Variants in FRAS1 observed in about 807,000 individuals in gnomAD.
The protein encoded by FRAS1 is Fraser extracellular matrix complex subunit 1.
A neutral mutation model predicts 435.2 loss-of-function variants in FRAS1; 290 were observed. The ratio of observed to expected loss-of-function variants is 0.67; its 90% confidence interval spans 0.61 to 0.73. FRAS1 has a LOEUF of 0.73. Among genes scored for constraint, FRAS1 ranks in the 30% least tolerant of loss-of-function variants. The probability of loss-of-function intolerance (pLI) is 0.00; values close to 1 mark genes in which losing one functional copy is unlikely to be tolerated. For missense variants in FRAS1, 4,860 were observed against 5,001.5 expected (o/e 0.97, Z 0.85); for synonymous variants, 1,800 against 1,851.0 (o/e 0.97, Z 0.71).
At chr4:78,491,902 C>A (rs968212705) in intron 59 of FRAS1, among the ~76,000 whole-genome samples, 12 of 152,132 alleles carry the variant, frequency 7.9e-5, no homozygotes, top group Non-Finnish European at 1.8e-4. Flanking sequence ...ATTTAGAAAA[C>A]CCCATTGTCT....
intron 3 of FRAS1, among the ~76,000 whole-genome samples, chr4:78,242,150 A>C (rs1009709494): frequency 6.6e-6 from 1 of 152,196 alleles, no homozygotes; most frequent in Non-Finnish European, 1.5e-5. Context: ...ATAGAATGGA[A>C]GAACTAGAAG....
chr4:78,419,049 T>C lies in FRAS1; in HGVS notation c.4526T>C (p.Leu1509Pro). 1.9e-6 allele frequency: 3 copies of C among 1,560,418 alleles called. No individual in the cohort carries two copies. The highest frequency in any genetic ancestry group is 2.4e-5 in the South Asian group (2 of 81,944). The change falls in exon 33 of 74, where the codon CTG becomes CCG. Residue 1509 changes from leucine to proline, a missense_variant. Coordinates refer to ENST00000512123, the MANE Select transcript of FRAS1 (RefSeq NM_025074.7). ...GKIVYNITLP[L>P]HPNQGIIEHR... is the part of the protein sequence containing the mutation. ...ATTGTCTACAACATCACTCTACCTC[T>C]GCATCCAAATCAAGGTAAGATGTGC...
intron 2 of FRAS1, among the ~76,000 whole-genome samples, chr4:78,129,709 C>G (rs1719587501): frequency 6.6e-6 from 1 of 152,098 alleles, no homozygotes; most frequent in African/African-American, 2.4e-5. Context: ...TATTTTCAAC[C>G]AATATGATCC....
At chr4:78,462,581 A>C (rs1352379203) in intron 47 of FRAS1, among the ~76,000 whole-genome samples, 1 of 152,200 alleles carries the variant, frequency 6.6e-6, no homozygotes, top group African/African-American at 2.4e-5. Context: ...GTGAGAATCC[A>C]GATGAGATTT....
intron 9 of FRAS1, among the ~76,000 whole-genome samples, chr4:78,273,096 A>C (rs983691473): frequency 6.6e-6 from 1 of 152,182 alleles, no homozygotes. Context: ...GAGTTCATGC[A>C]TGATTTGGCT....
chr4:78,447,258 C>T (rs1718868129), intron 43 of FRAS1, among the ~76,000 whole-genome samples: 1 of 130,960 alleles, frequency 7.6e-6, no homozygotes, highest in Non-Finnish European at 1.6e-5. Context: ...TAGAGGCATA[C>T]TAGATGTCTT....
intron 14 of FRAS1, among the ~76,000 whole-genome samples, chr4:78,296,792 C>T (rs1728166058): frequency 6.6e-6 from 1 of 152,118 alleles, no homozygotes; most frequent in African/African-American, 2.4e-5. Context: ...TAATTTGCTC[C>T]CTTTAAAATT....
intron 58 of FRAS1, among the ~76,000 whole-genome samples, chr4:78,485,138 C>T (rs1720129185): frequency 2.0e-5 from 3 of 152,208 alleles, no homozygotes; most frequent in African/African-American, 7.2e-5. Context: ...GGTTACTAAG[C>T]CTCATTTTGC....
chr4:78,436,068 C>T lies in FRAS1; in HGVS notation c.5218-2502C>T, dbSNP rs116382175. Reference sequence around the variant, plus strand: ...AATTAAATTTGTGCTCATCAAAACACACCACAAAGCAGCAAACAGGCCAGT... The same window carrying T: ...AATTAAATTTGTGCTCATCAAAACATACCACAAAGCAGCAAACAGGCCAGT... On this transcript the variant is annotated intron_variant, in intron 38 of 73. Coordinates refer to ENST00000512123, the MANE Select transcript of FRAS1 (RefSeq NM_025074.7). Among the ~76,000 whole-genome samples, 538 of 152,222 alleles carry T rather than the reference C, an allele frequency of 3.5e-3. 4 individuals carry two copies. Among genetic ancestry groups the T allele is most frequent in the African/African-American group, 0.012 (503 of 41,534 alleles).
intron 9 of FRAS1, among the ~76,000 whole-genome samples, chr4:78,274,621 A>T (rs142568746): frequency 0.012 from 1,873 of 152,224 alleles, 20 homozygotes; most frequent in South Asian, 0.04. Context: ...GTAGTTGAGC[A>T]GTTTGGAGTG....
chr4:78,488,805 A>G, intron 58 of FRAS1, 70 bp from the exon 59 acceptor site: 1 of 1,440,310 alleles, frequency 6.9e-7, no homozygotes, highest in Non-Finnish European at 9.5e-7. Context: ...CTGAAGGCTG[A>G]CAAGGACCAT....
At chr4:78,490,227 G>A (rs1482037512) in intron 59 of FRAS1, among the ~76,000 whole-genome samples, 2 of 151,996 alleles carry the variant, frequency 1.3e-5, no homozygotes, top group African/African-American at 4.8e-5. Flanking sequence ...ACACCCCACT[G>A]TCAATATTAG....
chr4:78,337,017 G>GT (rs1230856997), intron 19 of FRAS1, among the ~76,000 whole-genome samples: 2 of 151,784 alleles, frequency 1.3e-5, no homozygotes, highest in Admixed American at 6.6e-5. Flanking sequence ...TAATTTGGTG[G>GT]TTTTTTTGGA....
intron 2 of FRAS1, among the ~76,000 whole-genome samples, chr4:78,191,697 C>G (rs948820728): frequency 3.3e-5 from 5 of 152,002 alleles, no homozygotes; most frequent in African/African-American, 9.7e-5. Context: ...CCCGCTCCCC[C>G]CACCCCACAA....
intron 2 of FRAS1, among the ~76,000 whole-genome samples, chr4:78,116,974 G>T (rs973860205): frequency 6.6e-6 from 1 of 152,188 alleles, no homozygotes; most frequent in Non-Finnish European, 1.5e-5. Context: ...CTTACCAGTT[G>T]TTCCTTTCCA....
At chr4:78,296,363 A>C (rs1728145753) in intron 14 of FRAS1, among the ~76,000 whole-genome samples, 1 of 152,108 alleles carries the variant, frequency 6.6e-6, no homozygotes, top group East Asian at 1.9e-4. Flanking sequence ...AAAGGGAGGC[A>C]GTAGCAGGCA....
At chr4:78,384,895 G>A (rs914528753) in intron 28 of FRAS1, among the ~76,000 whole-genome samples, 6 of 132,360 alleles carry the variant, frequency 4.5e-5, no homozygotes, top group African/African-American at 1.9e-4. Context: ...GCAACACAGT[G>A]AGACCCTGTC....
chr4:78,132,890 T>G (rs1229183709), intron 2 of FRAS1, among the ~76,000 whole-genome samples: 1 of 152,124 alleles, frequency 6.6e-6, no homozygotes, highest in African/African-American at 2.4e-5. Flanking sequence ...CGTGTTTACA[T>G]GTTTAGAGGA....
intron 29 of FRAS1, among the ~76,000 whole-genome samples, chr4:78,392,037 A>T (rs368220259): frequency 1.1e-3 from 161 of 152,296 alleles, no homozygotes; most frequent in African/African-American, 3.5e-3. Context: ...TAAGGTGCAT[A>T]ATCAGAAAAT....
Sources: allele counts gnomAD v4.1 joint callset (sites outside exome capture counted in the v4.1 genomes callset), GRCh38; gene constraint gnomAD v4.1.1; transcripts MANE v1.5; gene names NCBI Gene and HGNC (gene_info 2026-07-23, HGNC 2026-07-21).